The following AP1S3 variants were observed in gnomAD, a reference collection of about 807,000 sequenced individuals.
AP1S3 encodes the protein AP-1 complex subunit sigma-3.
Under a neutral mutation model 20.9 loss-of-function variants are expected in AP1S3, and 10 were observed. That is an observed-to-expected ratio of 0.48 (90% CI 0.29 to 0.81). The LOEUF (loss-of-function observed/expected upper bound fraction) is 0.81. Among genes scored for constraint, AP1S3 ranks in the 30% least tolerant of loss-of-function variants. The probability of loss-of-function intolerance (pLI) is 0.08; values close to 1 mark genes in which losing one functional copy is unlikely to be tolerated. For missense variants in AP1S3, 154 were observed against 183.8 expected (o/e 0.84, Z 0.94); for synonymous variants, 41 against 61.5 (o/e 0.67, Z 1.56).
chr2:223,793,812 T>G (rs560729855), intron 1 of AP1S3, among the ~76,000 whole-genome samples: 22 of 152,222 alleles, frequency 1.4e-4, no homozygotes, highest in South Asian at 8.3e-4. Context: ...TACGTTTTTT[T>G]TTTGTTTGTT....
At chr2:223,818,337 A>T (rs530442025) in intron 1 of AP1S3, among the ~76,000 whole-genome samples, 14 of 151,876 alleles carry the variant, frequency 9.2e-5, no homozygotes, top group African/African-American at 3.4e-4. Flanking sequence ...GAATCGCTTG[A>T]GTCCAGGAGG....
intron 1 of AP1S3, among the ~76,000 whole-genome samples, chr2:223,836,652 A>G (rs1692401735): frequency 6.6e-6 from 1 of 152,198 alleles, no homozygotes; most frequent in Non-Finnish European, 1.5e-5. Flanking sequence ...AGGCAGGAGA[A>G]TCGCTTGAAC....
rs563243767 is a variant in AP1S3, at chr2:223,788,763, A to G, written c.4-10894T>C. 1.9e-4 allele frequency among the ~76,000 whole-genome samples: 21 copies of G among 110,336 alleles called. No individual in the cohort carries two copies. The South Asian group carries it at 2.2e-3, about 12-fold the overall frequency. 72.4% of individuals were successfully genotyped at this position (110,336 alleles called of 152,430 possible). A position where few individuals can be genotyped will look rare whatever the true frequency, so the allele number is the denominator to read the frequency against. On this transcript the variant is annotated intron_variant, in intron 1 of 4. Coordinates refer to ENST00000396654, the MANE Select transcript of AP1S3 (RefSeq NM_001039569.2). ...TGGGTGACAGAGCAAGACTCTGTCT[A>G]AAAAAAAAAAAAAAAAAAGAAGAAG...
At position 223,824,550 on chromosome 2, in the gene AP1S3, G is replaced by GT. The variant is rs35776403; in HGVS notation, c.3+12897dup. 3.3e-4 allele frequency among the ~76,000 whole-genome samples: 50 copies of GT among 151,420 alleles called. No individual in the cohort carries two copies. In the South Asian group the frequency reaches 6.0e-3, roughly 18 times the overall value. ...TCTCCAAATGCAAAAGGCAGGTGGG[G>GT]TTTTTTTTTGAGAATCTTGCTCTGT... On this transcript the variant is annotated intron_variant, in intron 1 of 4. Transcript: ENST00000396654.
At chr2:223,773,821 T>C (rs576256605) in intron 3 of AP1S3, among the ~76,000 whole-genome samples, 1 of 152,290 alleles carries the variant, frequency 6.6e-6, no homozygotes, top group African/African-American at 2.4e-5. Context: ...GAAGAGGGTA[T>C]TATGAGAAGA....
intron 1 of AP1S3, among the ~76,000 whole-genome samples, chr2:223,783,161 T>C (rs1690989125): frequency 6.6e-6 from 1 of 152,140 alleles, no homozygotes; most frequent in South Asian, 2.1e-4. Flanking sequence ...TTCAATAATA[T>C]TGTTGGGACA....
Position 223,814,780 on chromosome 2 carries a change from A to C in AP1S3, c.3+22668T>G, listed in dbSNP as rs560895041. 7.2e-5 allele frequency among the ~76,000 whole-genome samples: 11 copies of C among 152,214 alleles called. No homozygotes were observed. The South Asian group carries it at 2.3e-3, about 32-fold the overall frequency. ...AAGAACTAAGACTCAATGTTTATTTATTTTTCTTTAATTTGAAACAGGGTC... is the reference window on the plus strand; with the variant it reads ...AAGAACTAAGACTCAATGTTTATTTCTTTTTCTTTAATTTGAAACAGGGTC... On this transcript the variant is annotated intron_variant, in intron 1 of 4. Coordinates refer to ENST00000396654, the MANE Select transcript of AP1S3 (RefSeq NM_001039569.2).
intron 3 of AP1S3, among the ~76,000 whole-genome samples, chr2:223,769,991 G>C (rs1690574994): frequency 6.6e-6 from 1 of 152,080 alleles, no homozygotes; most frequent in Admixed American, 6.5e-5. Context: ...TGATCCACCC[G>C]CCTCGGCCTC....
chr2:223,773,357 G>C (rs1275507965), intron 3 of AP1S3: 1 of 1,303,718 alleles, frequency 7.7e-7, no homozygotes, highest in Non-Finnish European at 1.0e-6. Context: ...CAAGTCTGTA[G>C]TTTATTTCAA....
chr2:223,785,038 T>C (rs1212699044), intron 1 of AP1S3, among the ~76,000 whole-genome samples: 2 of 152,074 alleles, frequency 1.3e-5, no homozygotes, highest in Non-Finnish European at 2.9e-5. Flanking sequence ...AGAATGCTTA[T>C]GATACAATGT....
intron 2 of AP1S3, among the ~76,000 whole-genome samples, chr2:223,777,096 T>C (rs1387784765): frequency 6.6e-6 from 1 of 152,246 alleles, no homozygotes; most frequent in South Asian, 2.1e-4. Context: ...TCACAGCCAT[T>C]AGAACAATGC....
chr2:223,777,305 G>T (rs1690805915), intron 2 of AP1S3, among the ~76,000 whole-genome samples: 1 of 152,204 alleles, frequency 6.6e-6, no homozygotes, highest in African/African-American at 2.4e-5. Context: ...TGAGGCAAGA[G>T]AATCGCTTGA....
chr2:223,805,720 G>C (rs1012971895), intron 1 of AP1S3, among the ~76,000 whole-genome samples: 2 of 152,150 alleles, frequency 1.3e-5, no homozygotes, highest in Non-Finnish European at 2.9e-5. Flanking sequence ...TTTCTTAAAG[G>C]TTGATCCTCA....
intron 4 of AP1S3, among the ~76,000 whole-genome samples, chr2:223,762,548 C>G (rs1392293324): frequency 6.6e-6 from 1 of 152,158 alleles, no homozygotes; most frequent in Non-Finnish European, 1.5e-5. Context: ...GTTGGGCTTA[C>G]AGACGTGAGC....
chr2:223,770,126 G>T, intron 3 of AP1S3: 2 of 1,511,994 alleles, frequency 1.3e-6, no homozygotes, highest in South Asian at 1.3e-5. Flanking sequence ...ACAATAGAAA[G>T]AAACAAAAAG....
chr2:223,788,646 C>T (rs980833582), intron 1 of AP1S3, among the ~76,000 whole-genome samples: 1 of 151,446 alleles, frequency 6.6e-6, no homozygotes, highest in African/African-American at 2.4e-5. Flanking sequence ...TGCCTGTAAT[C>T]CCAGCTACTT....
In AP1S3 at chr2:223,837,571, G is replaced by A. The variant is rs1260268831; in HGVS notation, c.-121C>T. 2 of 575,622 alleles carry A rather than the reference G, an allele frequency of 3.5e-6. No homozygotes were observed. Among genetic ancestry groups the A allele is most frequent in the Non-Finnish European group, 5.2e-6 (2 of 387,262 alleles). The allele number at this position is 575,622 out of a possible 1,614,324, so 35.7% of individuals were successfully genotyped here. ...GAGGCGCCCGGCTTAGACCATGGCT[G>A]CTTCCCACAATGCCCTGGCACTGAA... On this transcript the variant is annotated 5_prime_UTR_variant, in exon 1 of 5. Coordinates refer to ENST00000396654, the MANE Select transcript of AP1S3 (RefSeq NM_001039569.2).
intron 1 of AP1S3, among the ~76,000 whole-genome samples, chr2:223,778,724 T>A (rs1236646089): frequency 6.9e-6 from 1 of 145,358 alleles, no homozygotes; most frequent in African/African-American, 2.6e-5. Context: ...TGAGACAGAG[T>A]CTTGCTTTCT....
At chr2:223,766,409 C>T (rs926320480) in intron 3 of AP1S3, among the ~76,000 whole-genome samples, 7 of 152,266 alleles carry the variant, frequency 4.6e-5, no homozygotes, top group African/African-American at 1.7e-4. Context: ...CTTTCTTTTG[C>T]TGTGCAGAAG....
Sources: allele counts gnomAD v4.1 joint callset (sites outside exome capture counted in the v4.1 genomes callset), GRCh38; gene constraint gnomAD v4.1.1; transcripts MANE v1.5; gene names NCBI Gene and HGNC (gene_info 2026-07-23, HGNC 2026-07-21).